The following SP4 variants were observed in gnomAD, a reference collection of about 807,000 sequenced individuals.
SP4 encodes the protein Sp4 transcription factor.
A neutral mutation model predicts 72.8 loss-of-function variants in SP4; 19 were observed. That is an observed-to-expected ratio of 0.26 (90% confidence interval 0.18 to 0.38). The LOEUF (loss-of-function observed/expected upper bound fraction) is 0.38. Ranked by LOEUF, SP4 falls within the 10% of genes least tolerant of loss-of-function variation. The pLI, the probability that SP4 is intolerant of heterozygous loss-of-function variation, is 1.00. For synonymous variants in SP4, 395 were observed against 333.1 expected (o/e 1.19, Z -2.02); for missense variants, 1,008 against 926.3 (o/e 1.09, Z -1.14).
At chr7:21,506,772 G>C (rs978787120) in intron 5 of SP4, among the ~76,000 whole-genome samples, 2 of 152,276 alleles carry the variant, frequency 1.3e-5, no homozygotes, top group Non-Finnish European at 1.5e-5. Context: ...GGGTCCTCTA[G>C]ATCTAATCCG....
At chr7:21,498,132 G>T (rs542414263) in intron 5 of SP4, among the ~76,000 whole-genome samples, 3 of 151,738 alleles carry the variant, frequency 2.0e-5, no homozygotes, top group African/African-American at 7.3e-5. Flanking sequence ...CCTTATATGT[G>T]GATTCCTCAT....
chr7:21,430,763 T>C lies in SP4; in HGVS notation c.1598T>C (p.Leu533Pro), dbSNP rs1750404529. The C allele has an allele frequency of 6.2e-7, 1 of 1,614,192 alleles. No homozygotes were observed. Among genetic ancestry groups the C allele is most frequent in the Non-Finnish European group, 8.5e-7 (1 of 1,180,024 alleles). Reference protein sequence around the residue: ...NTAQLASVPNLQTVSVANLGA... With the variant: ...NTAQLASVPNPQTVSVANLGA... ...GCCCAGCTTGCATCAGTGCCTAACCTTCAGACAGTGAGCGTTGCCAACCTG... is the reference window on the plus strand; with the variant it reads ...GCCCAGCTTGCATCAGTGCCTAACCCTCAGACAGTGAGCGTTGCCAACCTG... Residue 533 changes from leucine (L) to proline (P), a missense_variant, in exon 3 of 6, where the codon CTT becomes CCT. This residue lies in a region of SP4 where 893 missense variants were observed against 743.3 expected (regional missense o/e 1.20). Coordinates refer to ENST00000222584, the MANE Select transcript of SP4 (RefSeq NM_003112.5).
At chr7:21,471,500 T>C (rs373891326) in intron 3 of SP4, among the ~76,000 whole-genome samples, 17 of 152,302 alleles carry the variant, frequency 1.1e-4, no homozygotes, top group African/African-American at 4.1e-4. Context: ...GGATCTTGGA[T>C]GTTTTACATA....
intron 4 of SP4, among the ~76,000 whole-genome samples, chr7:21,478,724 G>C (rs78746759): frequency 0.081 from 12,341 of 152,096 alleles, 1,104 homozygotes; most frequent in East Asian, 0.28. Flanking sequence ...TTATGGAATT[G>C]TCTCTTTATA....
At chr7:21,468,738 T>C (rs1049246480) in intron 3 of SP4, among the ~76,000 whole-genome samples, 1 of 152,140 alleles carries the variant, frequency 6.6e-6, no homozygotes, top group Admixed American at 6.5e-5. Context: ...TATAGATCTG[T>C]TATTTCTTGC....
intron 3 of SP4, among the ~76,000 whole-genome samples, chr7:21,438,986 T>C (rs1194013908): frequency 2.0e-5 from 3 of 152,242 alleles, no homozygotes; most frequent in African/African-American, 4.8e-5. Flanking sequence ...TCTCATACTT[T>C]GTGTAATTTA....
chr7:21,481,343 G>A (rs1784681027), intron 4 of SP4, among the ~76,000 whole-genome samples: 1 of 152,234 alleles, frequency 6.6e-6, no homozygotes, highest in South Asian at 2.1e-4. Flanking sequence ...GAAACGGGAG[G>A]AAGTAGGGAA....
chr7:21,454,489 T>C (rs1475382444), intron 3 of SP4, among the ~76,000 whole-genome samples: 15 of 152,176 alleles, frequency 9.9e-5, no homozygotes, highest in Non-Finnish European at 2.2e-4. Context: ...CTTTCTCATA[T>C]AAAATATCTT....
intron 3 of SP4, among the ~76,000 whole-genome samples, chr7:21,437,801 C>T (rs1783097384): frequency 6.6e-6 from 1 of 152,146 alleles, no homozygotes; most frequent in Non-Finnish European, 1.5e-5. Context: ...GTACCTTGTG[C>T]TTGTGAGATA....
rs1782170727 is a variant in SP4 at position 21,512,359 on chromosome 7, G to T, written c.*1090G>T. ...CCATTTTATTTCTAGTGCTATGTAA[G>T]AAGGTAATTAGGAATTATAACACAG... On this transcript the variant is annotated 3_prime_UTR_variant, in exon 6 of 6. Transcript: ENST00000222584. 6.6e-6 allele frequency: 1 copy of T among 152,484 alleles called. No homozygotes were observed. The highest frequency in any genetic ancestry group is 1.5e-5 in the Non-Finnish European group (1 of 68,022). 9.4% of individuals were successfully genotyped at this position (152,484 alleles called of 1,614,324 possible).
chr7:21,455,837 T>C (rs1386227452), intron 3 of SP4, among the ~76,000 whole-genome samples: 2 of 152,182 alleles, frequency 1.3e-5, no homozygotes, highest in Non-Finnish European at 2.9e-5. Flanking sequence ...ACTTGCAGCA[T>C]TTTAGCAACA....
chr7:21,479,241 C>T (rs190679985), intron 4 of SP4, among the ~76,000 whole-genome samples: 4 of 150,234 alleles, frequency 2.7e-5, no homozygotes, highest in East Asian at 2.0e-4. Context: ...TTGCCAAATC[C>T]GAAGTCATTA....
chr7:21,433,259 G>A (rs1014207447), intron 3 of SP4, among the ~76,000 whole-genome samples: 10 of 152,198 alleles, frequency 6.6e-5, no homozygotes, highest in African/African-American at 7.2e-5. Context: ...CATGATTTGG[G>A]TGGTTCTGTT....
At chr7:21,496,153 A>C (rs1781698225) in intron 5 of SP4, among the ~76,000 whole-genome samples, 1 of 152,204 alleles carries the variant, frequency 6.6e-6, no homozygotes, top group African/African-American at 2.4e-5. Flanking sequence ...AAGTGATAGC[A>C]ACTCTTCTGT....
intron 5 of SP4, among the ~76,000 whole-genome samples, chr7:21,493,211 A>AAG (rs1381905842): frequency 6.6e-6 from 1 of 151,870 alleles, no homozygotes. Context: ...AAAAAAAAAA[A>AAG]ATCATACGAA....
intron 3 of SP4, among the ~76,000 whole-genome samples, chr7:21,475,091 C>A (rs547658631): frequency 3.3e-5 from 5 of 151,796 alleles, no homozygotes; most frequent in Non-Finnish European, 7.4e-5. Context: ...AAATAACCTC[C>A]CCCACCCTTT....
chr7:21,454,456 A>G (rs908946155), intron 3 of SP4, among the ~76,000 whole-genome samples: 1 of 151,426 alleles, frequency 6.6e-6, no homozygotes, highest in Admixed American at 6.6e-5. Flanking sequence ...TTACTTTAGG[A>G]CAATAGTTTA....
intron 3 of SP4, among the ~76,000 whole-genome samples, chr7:21,449,046 A>G (rs1383514118): frequency 2.6e-5 from 4 of 152,144 alleles, no homozygotes; most frequent in South Asian, 4.1e-4. Flanking sequence ...ACACCAACCA[A>G]TCCAGAGCCT....
At chr7:21,508,756 G>C (rs1053310708) in intron 5 of SP4, among the ~76,000 whole-genome samples, 3 of 151,760 alleles carry the variant, frequency 2.0e-5, no homozygotes, top group Non-Finnish European at 4.4e-5. Context: ...TGCCAACTGT[G>C]GCTTGGCATA....
Sources: gnomAD v4.1 joint callset for allele counts (sites outside exome capture counted in the v4.1 genomes callset) on GRCh38, gnomAD v4.1.1 for gene constraint, gnomAD v4.1.1 regional missense constraint, MANE v1.5 for transcripts, NCBI Gene and HGNC (gene_info 2026-07-23, HGNC 2026-07-21) for gene names.